SVOPL: variants seen among roughly 807,000 people sequenced by gnomAD.
The protein encoded by SVOPL is putative transporter SVOPL.
In SVOPL, 60 loss-of-function variants were observed where a neutral mutation model predicts 61.0. The observed-to-expected ratio is 0.98, with a 90% CI of 0.80 to 1.22. The LOEUF (loss-of-function observed/expected upper bound fraction) is 1.22, where lower values mean the gene tolerates loss of function less well. Among genes scored for constraint, SVOPL ranks in the 50% most tolerant of loss-of-function variants. SVOPL has a pLI of 0.00. For missense variants in SVOPL, 662 were observed against 643.9 expected (o/e 1.03, Z -0.30); for synonymous variants, 279 against 250.0 (o/e 1.12, Z -1.09).
chr7:138,693,578 A>AAGAAAAG, intron 1 of SVOPL, among the ~76,000 whole-genome samples: 1 of 99,188 alleles, frequency 1.0e-5, no homozygotes, highest in Non-Finnish European at 2.3e-5. Flanking sequence ...AGAAAGAAAA[A>AAGAAAAG]AGGAAAGAAA....
chr7:138,632,577 G>A (rs1163383716), intron 9 of SVOPL, among the ~76,000 whole-genome samples: 1 of 152,042 alleles, frequency 6.6e-6, no homozygotes, highest in Non-Finnish European at 1.5e-5. Context: ...TGAAGAATGG[G>A]GGATGGAGAA....
intron 10 of SVOPL, 86 bp from the exon 11 acceptor site, chr7:138,628,449 A>T: frequency 7.2e-7 from 1 of 1,383,086 alleles, no homozygotes; most frequent in Non-Finnish European, 9.9e-7. Flanking sequence ...TGGAACGTGT[A>T]GCATGTGGAA....
rs541254557 is a variant in SVOPL at position 138,606,192 on chromosome 7, G to A, written c.1354-9662C>T. Among the ~76,000 whole-genome samples the A allele has an allele frequency of 1.1e-4, 16 of 152,098 alleles. No individual in the cohort carries two copies. The South Asian group carries it at 3.3e-3, about 32-fold the overall frequency. On this transcript the variant is annotated intron_variant, in intron 14 of 15. Coordinates refer to ENST00000674285, the MANE Select transcript of SVOPL (RefSeq NM_001139456.2). The stretch of plus-strand genomic sequence containing the variant: ...ATTTTAAATAGCCTGGAAAATAAAT[G>A]GGCAATTACAATATTGTTGCAGTCT...
intron 9 of SVOPL, among the ~76,000 whole-genome samples, chr7:138,640,261 C>T (rs781482680): frequency 6.7e-6 from 1 of 149,904 alleles, no homozygotes; most frequent in Non-Finnish European, 1.5e-5. Flanking sequence ...GATGGAGTTT[C>T]GCTCTTGTTG....
chr7:138,689,482 A>G (rs1179219581), intron 1 of SVOPL: 2 of 835,620 alleles, frequency 2.4e-6, no homozygotes, highest in East Asian at 2.5e-5. Context: ...GCCCTGAAGA[A>G]AAAGATATCC....
At chr7:138,671,342 C>T (rs780752541) in intron 4 of SVOPL, among the ~76,000 whole-genome samples, 1 of 152,132 alleles carries the variant, frequency 6.6e-6, no homozygotes, top group African/African-American at 2.4e-5. Flanking sequence ...ATGTGCAACT[C>T]ATAAGGCTAT....
intron 9 of SVOPL, among the ~76,000 whole-genome samples, chr7:138,642,191 T>C (rs1416519696): frequency 1.3e-5 from 2 of 149,932 alleles, no homozygotes; most frequent in Non-Finnish European, 3.0e-5. Flanking sequence ...TAATTGTTTA[T>C]TAAAAATAAA....
intron 14 of SVOPL, among the ~76,000 whole-genome samples, 160 bp downstream of exon 14, chr7:138,620,882 CCTCT>C (rs1219238726): frequency 6.6e-6 from 1 of 152,122 alleles, no homozygotes; most frequent in Non-Finnish European, 1.5e-5. Flanking sequence ...GCAGATTTAG[CCTCT>C]CTCTCTACCT....
At chr7:138,643,762 A>G (rs1189953636) in intron 9 of SVOPL, among the ~76,000 whole-genome samples, 1 of 151,974 alleles carries the variant, frequency 6.6e-6, no homozygotes, top group Non-Finnish European at 1.5e-5. Flanking sequence ...GGGAGGGGGA[A>G]CAAAGTTTTT....
intron 3 of SVOPL, among the ~76,000 whole-genome samples, chr7:138,673,658 T>C (rs1802484703): frequency 6.6e-6 from 1 of 151,820 alleles, no homozygotes; most frequent in Non-Finnish European, 1.5e-5. Context: ...ATAATAATAA[T>C]CTCAGAATAA....
chr7:138,645,805 G>GT (rs1244696507), intron 8 of SVOPL: 9 of 160,176 alleles, frequency 5.6e-5, no homozygotes, highest in South Asian at 1.8e-4. Flanking sequence ...CGGCTTCCTT[G>GT]TTTTTTTGTT....
At chr7:138,639,880 C>T (rs961899876) in intron 9 of SVOPL, among the ~76,000 whole-genome samples, 1 of 151,120 alleles carries the variant, frequency 6.6e-6, no homozygotes, top group Non-Finnish European at 1.5e-5. Context: ...TCTGAAATAG[C>T]TAGTTGGGAC....
rs959235560 is a variant in SVOPL at position 138,651,249 on chromosome 7, G to A, written c.535-2112C>T. Among the ~76,000 whole-genome samples, 9 of 152,126 alleles carry A rather than the reference G, an allele frequency of 5.9e-5. No individual in the cohort carries two copies. The East Asian group carries it at 7.7e-4, about 13-fold the overall frequency. On this transcript the variant is annotated intron_variant, in intron 7 of 15. Coordinates refer to ENST00000674285, the MANE Select transcript of SVOPL (RefSeq NM_001139456.2). ...AGGCTTCTGTCATTCCAGTGAAACC[G>A]GTCATCAGACTATTTGGTTACTGTG...
At chr7:138,663,277 AC>A (rs1489107235) in intron 4 of SVOPL, 132 bp from the exon 5 acceptor site, 1 of 1,496,398 alleles carries the variant, frequency 6.7e-7, no homozygotes, top group Non-Finnish European at 8.9e-7. Flanking sequence ...ACAGGGTTTC[AC>A]GTTGGTCTTG....
intron 14 of SVOPL, among the ~76,000 whole-genome samples, chr7:138,607,163 T>G (rs1798796208): frequency 6.6e-6 from 1 of 152,082 alleles, no homozygotes; most frequent in Non-Finnish European, 1.5e-5. Context: ...ATGCTAGATT[T>G]AAGATGCTTT....
chr7:138,665,419 C>T (rs1802225311), intron 4 of SVOPL, among the ~76,000 whole-genome samples: 1 of 151,554 alleles, frequency 6.6e-6, no homozygotes, highest in African/African-American at 2.4e-5. Context: ...TAAGCCAAGA[C>T]AGGAGGATGG....
chr7:138,662,979 G>C, intron 5 of SVOPL, 95 bp downstream of exon 5: 1 of 1,580,090 alleles, frequency 6.3e-7, no homozygotes, highest in Non-Finnish European at 8.6e-7. Flanking sequence ...TGGGTATTGG[G>C]AGGGAGATGC....
rs141292389 is a variant in SVOPL at position 138,594,621 on chromosome 7, G to T, written c.1468C>A (p.Gln490Lys). ...AGCTTTGCAGGTCTTCATTTAATTT[G>T]CTGGAAGAAAGTTATTTAATAGATC... Reference protein sequence around the residue: ...PIETKGRALQQIK With the variant: ...PIETKGRALQKIK Residue 490 changes from glutamine (Q) to lysine (K), a missense_variant and splice_region_variant, in exon 16 of 16, where the codon CAA becomes AAA. Transcript: ENST00000674285. 14 of 1,593,930 alleles carry T rather than the reference G, an allele frequency of 8.8e-6. No individual in the cohort carries two copies. The East Asian group carries it at 1.6e-4, about 18-fold the overall frequency.
intron 4 of SVOPL, chr7:138,664,251 G>C: frequency 1.0e-6 from 1 of 976,230 alleles, no homozygotes; most frequent in Non-Finnish European, 1.2e-6. Context: ...CACCTAGCGC[G>C]CGCCTAACCC....
Sources: gnomAD v4.1 joint callset for allele counts (sites outside exome capture counted in the v4.1 genomes callset) on GRCh38, gnomAD v4.1.1 for gene constraint, MANE v1.5 for transcripts, NCBI Gene and HGNC (gene_info 2026-07-23, HGNC 2026-07-21) for gene names.